The following CCDC3 variants were observed in gnomAD, a reference collection of about 807,000 sequenced individuals.
CCDC3 encodes the protein coiled-coil domain-containing protein 3.
A neutral mutation model predicts 21.4 loss-of-function variants in CCDC3; 24 were observed. That is an observed-to-expected ratio of 1.12 (90% CI 0.81 to 1.58). The LOEUF is 1.58. CCDC3 is among the 40% of genes most tolerant of loss of function. The probability of loss-of-function intolerance (pLI) is 0.00; values close to 1 mark genes in which losing one functional copy is unlikely to be tolerated. For synonymous variants in CCDC3, 186 were observed against 166.0 expected (o/e 1.12, Z -0.93); for missense variants, 425 against 360.9 (o/e 1.18, Z -1.44).
chr10:13,035,410 AAAG>A, intron 5 of CCDC3, among the ~76,000 whole-genome samples: 1 of 152,360 alleles, frequency 6.6e-6, no homozygotes, highest in Middle Eastern at 3.4e-3. Flanking sequence ...GCTAGCTGGT[AAAG>A]AAGATAAGTC....
rs149223120 is a variant in CCDC3 at position 12,898,880 on chromosome 10, T to C, written c.550-201A>G. Among the ~76,000 whole-genome samples the C allele has an allele frequency of 2.6e-4, 40 of 152,300 alleles. No individual in the cohort carries two copies. In the East Asian group the frequency reaches 7.5e-3, roughly 29 times the overall value. On this transcript the variant is annotated intron_variant, in intron 2 of 2. Transcript: ENST00000378825. ...CTGTGAATCCTGCCCTGGCCTCAAA[T>C]ACAGAGCCCCCGTTTTGCTTTCCAT...
At chr10:12,937,654 C>G (rs1006858543) in intron 2 of CCDC3, among the ~76,000 whole-genome samples, 2 of 152,122 alleles carry the variant, frequency 1.3e-5, no homozygotes, top group Admixed American at 1.3e-4. Flanking sequence ...TGAAAGAGCT[C>G]TATGGCACAG....
At chr10:12,927,430 C>T (rs911178998) in intron 2 of CCDC3, among the ~76,000 whole-genome samples, 1 of 152,142 alleles carries the variant, frequency 6.6e-6, no homozygotes, top group African/African-American at 2.4e-5. Context: ...TCACAGATTT[C>T]TTTTTTATAT....
intron 2 of CCDC3, among the ~76,000 whole-genome samples, chr10:12,994,265 G>A (rs1041566161): frequency 2.0e-4 from 30 of 152,216 alleles, no homozygotes; most frequent in African/African-American, 7.0e-4. Flanking sequence ...GGGCATGGTG[G>A]TGGGTGCCTG....
intron 5 of CCDC3, among the ~76,000 whole-genome samples, chr10:13,042,705 G>A (rs1002931436): frequency 2.6e-5 from 4 of 151,444 alleles, no homozygotes; most frequent in East Asian, 3.9e-4. Context: ...TCAGGAGATC[G>A]AGACCATCCT....
intron 5 of CCDC3, among the ~76,000 whole-genome samples, chr10:13,015,972 G>A (rs1353613806): frequency 6.6e-6 from 1 of 151,942 alleles, no homozygotes; most frequent in African/African-American, 2.4e-5. Context: ...AAACACAAAG[G>A]ATAAATGCTT....
intron 2 of CCDC3, among the ~76,000 whole-genome samples, chr10:12,988,865 A>G (rs1835639237): frequency 6.6e-6 from 1 of 152,240 alleles, no homozygotes; most frequent in Non-Finnish European, 1.5e-5. Flanking sequence ...GAATAAATTA[A>G]AAAGACCACC....
At chr10:13,073,569 C>G (rs1007041007) in intron 4 of CCDC3, among the ~76,000 whole-genome samples, 3 of 124,672 alleles carry the variant, frequency 2.4e-5, no homozygotes, top group Non-Finnish European at 3.6e-5. Flanking sequence ...CAACCTCCCC[C>G]TCCTAGGCTC....
chr10:12,958,944 T>A (rs1318114610), intron 2 of CCDC3, among the ~76,000 whole-genome samples: 1 of 152,160 alleles, frequency 6.6e-6, no homozygotes, highest in African/African-American at 2.4e-5. Context: ...CAGTCCTAGA[T>A]CCTGGGGATG....
At chr10:12,989,720 C>A (rs971109999) in intron 2 of CCDC3, among the ~76,000 whole-genome samples, 30 of 152,158 alleles carry the variant, frequency 2.0e-4, no homozygotes, top group Non-Finnish European at 4.0e-4. Context: ...CTGCACCTGG[C>A]CCCAGCACCC....
intron 2 of CCDC3, among the ~76,000 whole-genome samples, chr10:12,909,419 C>T (rs775271486): frequency 1.3e-5 from 2 of 152,166 alleles, no homozygotes; most frequent in African/African-American, 2.4e-5. Context: ...GTGGGGCACC[C>T]GGGGGCCATG....
At chr10:13,083,890 C>T (rs748908560) in intron 3 of CCDC3, among the ~76,000 whole-genome samples, 25 of 152,170 alleles carry the variant, frequency 1.6e-4, no homozygotes, top group Admixed American at 3.9e-4. Flanking sequence ...TTTCCATCTG[C>T]GAGGAGCACC....
chr10:13,046,940 C>T (rs1178268901), intron 5 of CCDC3, among the ~76,000 whole-genome samples: 1 of 147,150 alleles, frequency 6.8e-6, no homozygotes, highest in Non-Finnish European at 1.5e-5. Context: ...TAGAATCATT[C>T]ACTTTCTAAA....
chr10:13,096,204 G>T (rs923800541), intron 3 of CCDC3, among the ~76,000 whole-genome samples: 4 of 74,600 alleles, frequency 5.4e-5, no homozygotes, highest in African/African-American at 1.8e-4. Flanking sequence ...TTTCTTTTTG[G>T]ACAGAGTCTC....
intron 2 of CCDC3, among the ~76,000 whole-genome samples, chr10:12,974,887 A>AT (rs1178310530): frequency 6.6e-6 from 1 of 152,084 alleles, no homozygotes; most frequent in Non-Finnish European, 1.5e-5. Flanking sequence ...CGTTACTAAT[A>AT]TTTTTTGAGA....
In CCDC3 at chr10:13,065,253, A is replaced by G. The variant is rs1335973968; in HGVS notation, c.-270+8615T>C. ...AGAGTGCTAATTGTTTATATCCTACAAGGATCTTATGTTTAGTGTTTTTAA... is the reference window on the plus strand; with the variant it reads ...AGAGTGCTAATTGTTTATATCCTACGAGGATCTTATGTTTAGTGTTTTTAA... On this transcript the variant is annotated intron_variant, in intron 4 of 6. Transcript: ENST00000378839. 3.3e-5 allele frequency among the ~76,000 whole-genome samples: 5 copies of G among 152,294 alleles called. No homozygotes were observed. In the East Asian group the frequency reaches 7.7e-4, roughly 23 times the overall value.
Position 13,058,336 on chromosome 10 carries a change from G to C in CCDC3, c.-269-8395C>G. 9.5e-6 allele frequency: 12 copies of C among 1,258,386 alleles called. No individual in the cohort carries two copies. The South Asian group carries it at 1.4e-4, about 15-fold the overall frequency. The allele number at this position is 1,258,386 out of a possible 1,614,324, so 78.0% of individuals were successfully genotyped here. On this transcript the variant is annotated intron_variant, in intron 4 of 6. Coordinates refer to the CCDC3 transcript ENST00000378839. ...CTTGGCCTTCATAGATCTTGTCCAT[G>C]CCAAACCTACTGAGAATCCTGTGGG...
At position 13,050,491 on chromosome 10, in the gene CCDC3, C is replaced by T. The variant is rs551022039; in HGVS notation, c.-269-550G>A. ...TTTTTTTTTTTTTGAGACGGAGTCT[C>T]GCCCTATAACCCAGGCTGGAATACA... On this transcript the variant is annotated intron_variant, in intron 4 of 6. Transcript: ENST00000378839. 3.6e-5 allele frequency among the ~76,000 whole-genome samples: 5 copies of T among 139,136 alleles called. No homozygotes were observed. In the South Asian group the frequency reaches 6.7e-4, roughly 19 times the overall value. The allele number at this position is 139,136 out of a possible 152,430, so 91.3% of individuals were successfully genotyped here.
chr10:12,910,702 C>T (rs1051322178), intron 2 of CCDC3, among the ~76,000 whole-genome samples: 7 of 151,386 alleles, frequency 4.6e-5, no homozygotes, highest in South Asian at 4.2e-4. Context: ...CTCCACCTAC[C>T]GAGTTCAAGC....
Sources: gnomAD v4.1 joint callset for allele counts (sites outside exome capture counted in the v4.1 genomes callset) on GRCh38, gnomAD v4.1.1 for gene constraint, MANE v1.5 for transcripts, NCBI Gene and HGNC (gene_info 2026-07-23, HGNC 2026-07-21) for gene names.